Variants in FGGY observed in about 807,000 individuals in gnomAD.
FGGY encodes the protein FGGY carbohydrate kinase domain containing.
Under a neutral mutation model 71.3 loss-of-function variants are expected in FGGY, and 72 were observed. That is an observed-to-expected ratio of 1.01 (90% CI 0.84 to 1.23). The LOEUF (loss-of-function observed/expected upper bound fraction) is 1.23. FGGY is among the 50% of genes most tolerant of loss of function. FGGY has a pLI of 0.00. For synonymous variants in FGGY, 251 were observed against 250.3 expected (o/e 1.00, Z -0.02); for missense variants, 668 against 682.3 (o/e 0.98, Z 0.23).
At chr1:59,714,731 A>G (rs769176750) in intron 14 of FGGY, among the ~76,000 whole-genome samples, 14 of 152,220 alleles carry the variant, frequency 9.2e-5, no homozygotes, top group Non-Finnish European at 1.9e-4. Context: ...AGGAGAAGGA[A>G]GAAAATGAGG....
At chr1:59,603,980 G>A (rs2153812689) in intron 8 of FGGY, among the ~76,000 whole-genome samples, 1 of 152,320 alleles carries the variant, frequency 6.6e-6, no homozygotes, top group Admixed American at 6.5e-5. Flanking sequence ...CTCTGCCTCA[G>A]TCTACATATC....
At chr1:59,378,653 G>A in intron 4 of FGGY, 96 bp from the exon 5 acceptor site, 1 of 1,022,894 alleles carries the variant, frequency 9.8e-7, no homozygotes, top group Non-Finnish European at 1.5e-6. Flanking sequence ...GGGCATTGTT[G>A]GCTATGCTTT....
rs1251138320 is a variant in FGGY at position 59,334,834 on chromosome 1, A to G, written c.202-5124A>G. Among the ~76,000 whole-genome samples, 21 of 152,352 alleles carry G rather than the reference A, an allele frequency of 1.4e-4. No individual in the cohort carries two copies. In the South Asian group the frequency reaches 2.9e-3, roughly 21 times the overall value. ...GAAACTGGTCGCTCATGCTTTTTCT[A>G]TAAAGGAAACCATAGAAACAAAAAT... On this transcript the variant is annotated intron_variant, in intron 2 of 15. Coordinates refer to ENST00000303721, the MANE Select transcript of FGGY (RefSeq NM_018291.5).
intron 5 of FGGY, among the ~76,000 whole-genome samples, chr1:59,409,671 C>T (rs2063322440): frequency 6.6e-6 from 1 of 150,832 alleles, no homozygotes. Flanking sequence ...AAACTTAAGG[C>T]CTAAGTAGGG....
chr1:59,546,514 G>GATTATT (rs1248154933), intron 7 of FGGY, among the ~76,000 whole-genome samples: 8 of 144,956 alleles, frequency 5.5e-5, no homozygotes, highest in African/African-American at 1.3e-4. Context: ...TGATGATGAT[G>GATTATT]ATGATGATGA....
intron 4 of FGGY, among the ~76,000 whole-genome samples, chr1:59,373,802 G>A (rs2058152635): frequency 6.6e-6 from 1 of 152,136 alleles, no homozygotes; most frequent in Non-Finnish European, 1.5e-5. Flanking sequence ...AACAAGCAAT[G>A]GGGAAAGGAT....
intron 14 of FGGY, among the ~76,000 whole-genome samples, chr1:59,729,450 A>G (rs543971924): frequency 2.0e-5 from 3 of 152,130 alleles, no homozygotes; most frequent in Non-Finnish European, 4.4e-5. Context: ...AAACATGGAT[A>G]TGATGTATCT....
At chr1:59,416,141 CA>C (rs893036871) in intron 5 of FGGY, among the ~76,000 whole-genome samples, 2 of 151,758 alleles carry the variant, frequency 1.3e-5, no homozygotes, top group African/African-American at 4.8e-5. Flanking sequence ...AGTGACAATG[CA>C]AAAAAGCTTT....
chr1:59,657,097 T>C (rs1291635332), intron 11 of FGGY, among the ~76,000 whole-genome samples: 1 of 152,228 alleles, frequency 6.6e-6, no homozygotes, highest in South Asian at 2.1e-4. Flanking sequence ...TCACACCCTT[T>C]CTTCTCTCTT....
At chr1:59,540,455 G>A (rs2095423049) in intron 7 of FGGY, among the ~76,000 whole-genome samples, 1 of 152,168 alleles carries the variant, frequency 6.6e-6, no homozygotes, top group African/African-American at 2.4e-5. Context: ...TCACAAACAT[G>A]GGTGACTGAA....
At chr1:59,371,896 C>T (rs1367466726) in intron 4 of FGGY, among the ~76,000 whole-genome samples, 2 of 152,160 alleles carry the variant, frequency 1.3e-5, no homozygotes, top group African/African-American at 4.8e-5. Context: ...ATCTCTGGGA[C>T]ACGTTCAAAG....
chr1:59,730,880 G>A (rs544789427), intron 14 of FGGY, among the ~76,000 whole-genome samples: 13 of 152,292 alleles, frequency 8.5e-5, no homozygotes, highest in Admixed American at 3.9e-4. Context: ...AGTCCATGTC[G>A]GACAACATGC....
chr1:59,741,984 G>C (rs1371004042), intron 14 of FGGY, among the ~76,000 whole-genome samples: 1 of 149,580 alleles, frequency 6.7e-6, no homozygotes, highest in Non-Finnish European at 1.5e-5. Flanking sequence ...CATACATGTA[G>C]TCCCAGCTGC....
At chr1:59,503,874 A>AC (rs979036366) in intron 6 of FGGY, among the ~76,000 whole-genome samples, 1 of 151,478 alleles carries the variant, frequency 6.6e-6, no homozygotes, top group African/African-American at 2.4e-5. Context: ...TCTCTCAGTG[A>AC]CCCCCTCTGG....
At chr1:59,678,143 T>C (rs1573045706) in intron 14 of FGGY, among the ~76,000 whole-genome samples, 1 of 152,218 alleles carries the variant, frequency 6.6e-6, no homozygotes, top group South Asian at 2.1e-4. Context: ...ATCTGCGGTT[T>C]AATGAAAAAT....
At position 59,658,952 on chromosome 1, in the gene FGGY, T is replaced by C. The variant is rs539914921; in HGVS notation, c.1222-1267T>C. 9.2e-5 allele frequency among the ~76,000 whole-genome samples: 14 copies of C among 152,326 alleles called. No individual in the cohort carries two copies. The South Asian group carries it at 2.9e-3, about 32-fold the overall frequency. ...AAAGATGGCTTCTGGCCAGGCGCAG[T>C]GGTTCACAACTGTAATCCCAGCACT... On this transcript the variant is annotated intron_variant, in intron 11 of 15. Transcript: ENST00000303721.
intron 14 of FGGY, among the ~76,000 whole-genome samples, chr1:59,744,153 TA>T (rs1033218096): frequency 1.3e-5 from 2 of 152,208 alleles, no homozygotes; most frequent in African/African-American, 4.8e-5. Flanking sequence ...ACTTTATGAG[TA>T]ATTATTTCTA....
chr1:59,579,664 C>T (rs1447447405), intron 8 of FGGY, among the ~76,000 whole-genome samples: 1 of 152,130 alleles, frequency 6.6e-6, no homozygotes, highest in African/African-American at 2.4e-5. Context: ...TGTGGACCAC[C>T]TAGTTCAAGC....
chr1:59,597,742 G>T lies in FGGY; in HGVS notation c.904-10061G>T, dbSNP rs564636291. Among the ~76,000 whole-genome samples, 4 of 152,342 alleles carry T rather than the reference G, an allele frequency of 2.6e-5. No homozygotes were observed. The South Asian group carries it at 8.3e-4, about 32-fold the overall frequency. On this transcript the variant is annotated intron_variant, in intron 8 of 15. Transcript: ENST00000303721. The stretch of plus-strand genomic sequence containing the variant: ...CCCCAAAGACCAAGGTCACACAGCA[G>T]AGACTCTCGGCTGGAGACTGCCCTC...
Sources: allele counts gnomAD v4.1 joint callset (sites outside exome capture counted in the v4.1 genomes callset), GRCh38; gene constraint gnomAD v4.1.1; transcripts MANE v1.5; gene names NCBI Gene and HGNC (gene_info 2026-07-23, HGNC 2026-07-21).